Variants in GGT7 observed in about 807,000 individuals in gnomAD.
GGT7 encodes the protein gamma-glutamyltransferase 7, also known as glutathione hydrolase 7.
Under a neutral mutation model 69.2 loss-of-function variants are expected in GGT7, and 30 were observed. The observed-to-expected ratio is 0.43, with a 90% CI of 0.32 to 0.59. The LOEUF (loss-of-function observed/expected upper bound fraction) is 0.59, where lower values mean the gene tolerates loss of function less well. Ranked by LOEUF, GGT7 falls within the 20% of genes least tolerant of loss-of-function variation. The pLI, the probability that GGT7 is intolerant of heterozygous loss-of-function variation, is 0.05. For synonymous variants in GGT7, 388 were observed against 391.8 expected (o/e 0.99, Z 0.12); for missense variants, 733 against 901.1 (o/e 0.81, Z 2.39).
At chr20:34,846,256 T>C (rs948117045) in intron 14 of GGT7, among the ~76,000 whole-genome samples, 1 of 151,896 alleles carries the variant, frequency 6.6e-6, no homozygotes, top group African/African-American at 2.4e-5. Context: ...CCTTCCTTAC[T>C]GGTCTCCCTG....
chr20:34,858,754 G>A (rs1174360059), intron 7 of GGT7, among the ~76,000 whole-genome samples: 2 of 152,182 alleles, frequency 1.3e-5, no homozygotes, highest in African/African-American at 4.8e-5. Flanking sequence ...AGCAGGGAAG[G>A]ATTGTGAGCT....
Position 34,863,857 on chromosome 20 carries a change from G to A in GGT7, c.170-309C>T. The A allele has an allele frequency of 1.8e-6, 1 of 560,458 alleles. No homozygotes were observed. The highest frequency in any genetic ancestry group is 3.4e-6 in the Non-Finnish European group (1 of 294,922). The allele number at this position is 560,458 out of a possible 1,614,324, so 34.7% of individuals were successfully genotyped here. A position where few individuals can be genotyped will look rare whatever the true frequency, so the allele number is the denominator to read the frequency against. ...CTGAGAACACTTCCTGGGGGGTGGG[G>A]TGGGGGTTCCAGCCCTCAGTGGAAA... On this transcript the variant is annotated intron_variant, in intron 1 of 14. Transcript: ENST00000336431. This position sits in a 1 kb window ranked among gnomAD's most constrained non-coding sequence, Gnocchi z 4.4.
At chr20:34,859,745 C>T in intron 6 of GGT7, 106 bp from the exon 7 acceptor site, 2 of 972,434 alleles carry the variant, frequency 2.1e-6, no homozygotes, top group South Asian at 1.6e-5. Context: ...ACCCTAAGTG[C>T]CCTGACCCCC....
At chr20:34,859,028 G>C (rs994401950) in intron 7 of GGT7, among the ~76,000 whole-genome samples, 1 of 152,110 alleles carries the variant, frequency 6.6e-6, no homozygotes, top group Non-Finnish European at 1.5e-5. Flanking sequence ...AAATTAGCTG[G>C]GTGTGGTGGT....
chr20:34,865,903 C>T (rs1443827505), intron 1 of GGT7, among the ~76,000 whole-genome samples: 1 of 152,228 alleles, frequency 6.6e-6, no homozygotes, highest in Admixed American at 6.5e-5. Flanking sequence ...TCATGCTGTA[C>T]TCACAATATG....
At position 34,867,655 on chromosome 20, in the gene GGT7, G is replaced by T. The variant is rs535687301; in HGVS notation, c.170-4107C>A. Among the ~76,000 whole-genome samples, 8 of 152,310 alleles carry T rather than the reference G, an allele frequency of 5.3e-5. No individual in the cohort carries two copies. The East Asian group carries it at 1.5e-3, about 29-fold the overall frequency. On this transcript the variant is annotated intron_variant, in intron 1 of 14. Transcript: ENST00000336431. ...CACTTCAGCCTGGTAGTTCGAGGCT[G>T]CAGTGAGCCACTGCCCACCAGCCTG...
chr20:34,860,002 C>A lies in GGT7; in HGVS notation c.784G>T (p.Ala262Ser). Reference protein sequence around the residue: ...SQVLAFAAAVAQDGFNVTHDL... With the variant: ...SQVLAFAAAVSQDGFNVTHDL... ...TGAGTCACGTTGAAGCCATCTTGGG[C>A]CACAGCTGCTGCAAAGGCCAGGACT... Residue 262 changes from alanine to serine, a missense_variant, in exon 6 of 15, where the codon GCC becomes TCC. Transcript: ENST00000336431. 6.4e-7 allele frequency: 1 copy of A among 1,569,648 alleles called. No individual in the cohort carries two copies. Among genetic ancestry groups the A allele is most frequent in the Admixed American group, 1.9e-5 (1 of 53,456 alleles).
chr20:34,863,797 C>A lies in GGT7; in HGVS notation c.170-249G>T. The A allele has an allele frequency of 1.4e-6, 1 of 693,736 alleles. No homozygotes were observed. The highest frequency in any genetic ancestry group is 1.5e-5 in the South Asian group (1 of 66,246). The allele number at this position is 693,736 out of a possible 1,614,324, so 43.0% of individuals were successfully genotyped here. A position where few individuals can be genotyped will look rare whatever the true frequency, so the allele number is the denominator to read the frequency against. ...GCTGGATTCCCGCCCCTCCCTGATA[C>A]CTAGGCCAAATTTCCTGGCACCCAG... On this transcript the variant is annotated intron_variant, in intron 1 of 14. Transcript: ENST00000336431. This position sits in a 1 kb window ranked among gnomAD's most constrained non-coding sequence, Gnocchi z 4.4.
intron 8 of GGT7, among the ~76,000 whole-genome samples, chr20:34,855,270 GTCTCCTTTTAGC>G (rs2079471803): frequency 2.0e-5 from 3 of 152,156 alleles, no homozygotes; most frequent in African/African-American, 7.2e-5. Flanking sequence ...CCTGTCATGT[GTCTCCTTTTAGC>G]TCTCCCATAG....
At chr20:34,861,400 G>T in intron 4 of GGT7, 45 bp downstream of exon 4, 1 of 951,442 alleles carries the variant, frequency 1.1e-6, no homozygotes. Flanking sequence ...GAAGGGCAAT[G>T]AAGAGAGACT....
intron 4 of GGT7, among the ~76,000 whole-genome samples, chr20:34,860,624 CA>C (rs1276956366): frequency 1.4e-5 from 2 of 145,768 alleles, no homozygotes; most frequent in Non-Finnish European, 3.0e-5. Context: ...CATTGGATTT[CA>C]CCAACCCCTG....
chr20:34,854,721 T>C (rs1168556335), intron 9 of GGT7, 75 bp downstream of exon 9: 11 of 1,600,148 alleles, frequency 6.9e-6, no homozygotes, highest in Non-Finnish European at 9.4e-6. Flanking sequence ...GATTTAGTCC[T>C]GCCCTATGGC....
chr20:34,863,180 G>A lies in GGT7; in HGVS notation c.405+133C>T. 2 of 808,986 alleles carry A rather than the reference G, an allele frequency of 2.5e-6. No homozygotes were observed. Among genetic ancestry groups the A allele is most frequent in the Non-Finnish European group, 4.0e-6 (2 of 500,564 alleles). 50.1% of individuals were successfully genotyped at this position (808,986 alleles called of 1,614,324 possible). ...CATGCCCTGGAGCTCCTCTCTTTGG[G>A]ACCTTCCTCTCCCAAGTCACCACCC... On this transcript the variant is annotated intron_variant, in intron 2 of 14. Transcript: ENST00000336431. This position sits in a 1 kb window ranked among gnomAD's most constrained non-coding sequence, Gnocchi z 4.4.
rs913179817 is a variant in GGT7, at chr20:34,863,849, G to A, written c.170-301C>T. 5.2e-6 allele frequency: 3 copies of A among 572,584 alleles called. No homozygotes were observed. Among genetic ancestry groups the A allele is most frequent in the Non-Finnish European group, 1.0e-5 (3 of 301,300 alleles). 35.5% of individuals were successfully genotyped at this position (572,584 alleles called of 1,614,324 possible). On this transcript the variant is annotated intron_variant, in intron 1 of 14. Transcript: ENST00000336431. The surrounding 1 kb of genome is among the most constrained non-coding windows in gnomAD (Gnocchi z 4.4). ...GCCCAGGGCTGAGAACACTTCCTGG[G>A]GGGTGGGGTGGGGGTTCCAGCCCTC... is the stretch of plus-strand genomic sequence containing the variant.
chr20:34,857,834 G>A lies in GGT7; in HGVS notation c.1015-941C>T, dbSNP rs1407686047. 3.9e-5 allele frequency among the ~76,000 whole-genome samples: 6 copies of A among 152,068 alleles called. No individual in the cohort carries two copies. In the East Asian group the frequency reaches 9.7e-4, roughly 24 times the overall value. ...GGGTCTCACTATGTTGCCCAGGCTG[G>A]TCTCAAACTCCTGAGCTCAAGTGAT... On this transcript the variant is annotated intron_variant, in intron 7 of 14. Coordinates refer to ENST00000336431, the MANE Select transcript of GGT7 (RefSeq NM_178026.3).
intron 8 of GGT7, among the ~76,000 whole-genome samples, chr20:34,855,314 C>G (rs770982506): frequency 1.3e-5 from 2 of 152,186 alleles, no homozygotes; most frequent in Non-Finnish European, 2.9e-5. Context: ...ATCCATGACT[C>G]CTGATGGTCT....
chr20:34,860,868 G>A (rs558351754), intron 4 of GGT7, among the ~76,000 whole-genome samples: 22 of 152,232 alleles, frequency 1.4e-4, no homozygotes, highest in African/African-American at 5.3e-4. Context: ...GCTTCCCAGA[G>A]TGTTGGGATT....
chr20:34,846,715 C>T (rs1043379100), intron 14 of GGT7, among the ~76,000 whole-genome samples: 2 of 152,134 alleles, frequency 1.3e-5, no homozygotes, highest in African/African-American at 2.4e-5. Context: ...ACAGCTTCAA[C>T]GGAATTTAGA....
chr20:34,871,988 A>T (rs1358250649), intron 1 of GGT7, among the ~76,000 whole-genome samples: 1 of 151,974 alleles, frequency 6.6e-6, no homozygotes, highest in Non-Finnish European at 1.5e-5. Flanking sequence ...AATTCTGGAG[A>T]CTGCTTCCTA....
Sources: gnomAD v4.1 joint callset for allele counts (sites outside exome capture counted in the v4.1 genomes callset) on GRCh38, gnomAD v4.1.1 for gene constraint, Gnocchi (gnomAD v3.1) non-coding constraint, MANE v1.5 for transcripts, NCBI Gene and HGNC (gene_info 2026-07-23, HGNC 2026-07-21) for gene names.